KDM4C: variants seen among roughly 807,000 people sequenced by gnomAD.
KDM4C encodes lysine demethylase 4C.
KDM4C carries 81 observed loss-of-function variants against 129.3 expected under a neutral mutation model. The ratio of observed to expected loss-of-function variants is 0.63; its 90% CI spans 0.52 to 0.75. The LOEUF is 0.75. KDM4C is among the 30% of genes least tolerant of loss of function. The pLI is 0.00. For missense variants in KDM4C, 1,457 were observed against 1,304.0 expected, an observed-to-expected ratio of 1.12 and a Z score of -1.81; for synonymous variants, 573 against 456.1, an observed-to-expected ratio of 1.26 and a Z score of -3.26.
At chr9:6,805,193 C>T (rs1829742204) in intron 2 of KDM4C, among the ~76,000 whole-genome samples, 1 of 152,304 alleles carries the variant, frequency 6.6e-6, no homozygotes, top group South Asian at 2.1e-4. Context: ...GCCACTGCGC[C>T]CTGCCAATTT....
intron 1 of KDM4C, among the ~76,000 whole-genome samples, chr9:6,779,786 A>G (rs923193108): frequency 1.3e-5 from 2 of 152,204 alleles, no homozygotes; most frequent in African/African-American, 4.8e-5. Flanking sequence ...ACTGATGACA[A>G]TGGCAAGTGG....
chr9:7,021,165 T>C (rs1563996304), intron 15 of KDM4C, among the ~76,000 whole-genome samples: 1 of 151,798 alleles, frequency 6.6e-6, no homozygotes, highest in Non-Finnish European at 1.5e-5. Flanking sequence ...TATTTTTTTT[T>C]TTTTGAGATG....
chr9:6,737,100 T>G lies in KDM4C; in HGVS notation c.49+16103T>G, dbSNP rs143530106. ...GTTTTTCAGTCCCACTGGACTAGCC[T>G]GGGCAGCATAGCAAGATCTTGTCTC... On this transcript the variant is annotated intron_variant, in intron 1 of 17. Transcript: ENST00000536108. 9.3e-3 allele frequency among the ~76,000 whole-genome samples: 1,378 copies of G among 148,200 alleles called. 21 individuals carry two copies. The highest frequency in any genetic ancestry group is 0.033 in the African/African-American group (1,311 of 40,224).
intron 14 of KDM4C, among the ~76,000 whole-genome samples, chr9:7,015,308 G>T (rs1823460023): frequency 6.6e-6 from 1 of 152,004 alleles, no homozygotes; most frequent in African/African-American, 2.4e-5. Flanking sequence ...GTTCCTTGAT[G>T]CCATATAATT....
chr9:6,893,510 T>G (rs1846399168), intron 8 of KDM4C: 1 of 223,772 alleles, frequency 4.5e-6, no homozygotes, highest in Admixed American at 5.8e-5. Flanking sequence ...GGCCTCCAGT[T>G]GGTGTTTTGC....
At chr9:7,095,341 G>A (rs1451535122) in intron 17 of KDM4C, among the ~76,000 whole-genome samples, 2 of 152,172 alleles carry the variant, frequency 1.3e-5, no homozygotes, top group Non-Finnish European at 2.9e-5. Context: ...TACTGCCCAA[G>A]AACAAATCTT....
chr9:6,923,591 C>A (rs529194320), intron 8 of KDM4C, among the ~76,000 whole-genome samples: 1 of 152,174 alleles, frequency 6.6e-6, no homozygotes, highest in Non-Finnish European at 1.5e-5. Flanking sequence ...GAGGGATCAT[C>A]AAGAGACAGA....
rs117257500 is a variant in KDM4C, at chr9:7,030,638, T to C, written c.2259+14709T>C. ...AGTTGCTATAAAAAATAAAGTCTAA[T>C]AAAAAAGTTATTTTAAGGCCTTACT... On this transcript the variant is annotated intron_variant, in intron 15 of 21. Transcript: ENST00000381309. 9.5e-3 allele frequency among the ~76,000 whole-genome samples: 1,451 copies of C among 152,328 alleles called. 17 individuals are homozygous for C. Among genetic ancestry groups the C allele is most frequent in the Admixed American group, 0.018 (278 of 15,298 alleles).
chr9:6,883,825 T>C (rs1844842162), intron 6 of KDM4C, among the ~76,000 whole-genome samples: 1 of 152,158 alleles, frequency 6.6e-6, no homozygotes, highest in Admixed American at 6.5e-5. Flanking sequence ...TGTTCTTGGC[T>C]TGGGGAGTCC....
At chr9:6,882,619 C>T (rs950868480) in intron 6 of KDM4C, among the ~76,000 whole-genome samples, 1 of 152,114 alleles carries the variant, frequency 6.6e-6, no homozygotes, top group African/African-American at 2.4e-5. Flanking sequence ...TTTCAAAGGA[C>T]AGTGTAGTGG....
chr9:6,949,246 C>T (rs1292928509), intron 8 of KDM4C, among the ~76,000 whole-genome samples: 1 of 150,856 alleles, frequency 6.6e-6, no homozygotes, highest in African/African-American at 2.4e-5. Context: ...ACCTCCCAGA[C>T]GGGGTTGCGG....
chr9:7,093,860 C>A (rs964515598), intron 17 of KDM4C, among the ~76,000 whole-genome samples: 1 of 152,180 alleles, frequency 6.6e-6, no homozygotes, highest in African/African-American at 2.4e-5. Context: ...TGAGGAATTT[C>A]ATTCCCCGTG....
At chr9:6,807,854 C>T (rs1481131818) in intron 3 of KDM4C, among the ~76,000 whole-genome samples, 2 of 146,908 alleles carry the variant, frequency 1.4e-5, no homozygotes, top group Non-Finnish European at 3.0e-5. Flanking sequence ...GGGGGTCAGC[C>T]CCCCAACCTG....
chr9:7,023,232 G>A (rs762534385), intron 15 of KDM4C, among the ~76,000 whole-genome samples: 3 of 152,100 alleles, frequency 2.0e-5, no homozygotes, highest in Non-Finnish European at 4.4e-5. Flanking sequence ...TTATTTAAAT[G>A]TTTGGTAGAA....
intron 17 of KDM4C, among the ~76,000 whole-genome samples, chr9:7,054,195 C>G (rs1158395234): frequency 6.6e-6 from 1 of 152,216 alleles, no homozygotes; most frequent in African/African-American, 2.4e-5. Flanking sequence ...ACGTTTCCTT[C>G]TCCCCGTAGC....
At chr9:7,114,834 A>G (rs903723452) in intron 18 of KDM4C, among the ~76,000 whole-genome samples, 2 of 152,132 alleles carry the variant, frequency 1.3e-5, no homozygotes, top group African/African-American at 4.8e-5. Flanking sequence ...GGCTAGGTGC[A>G]GTGGCTCCCA....
At chr9:7,082,635 C>G (rs1046171947) in intron 17 of KDM4C, among the ~76,000 whole-genome samples, 1 of 152,148 alleles carries the variant, frequency 6.6e-6, no homozygotes, top group Non-Finnish European at 1.5e-5. Context: ...CCTCAGCTGG[C>G]ATTTGTCTGC....
At chr9:6,782,827 A>G (rs1824659241) in intron 1 of KDM4C, among the ~76,000 whole-genome samples, 1 of 152,180 alleles carries the variant, frequency 6.6e-6, no homozygotes, top group African/African-American at 2.4e-5. Flanking sequence ...AAGAGAATTG[A>G]CGGTGGTGAA....
intron 1 of KDM4C, among the ~76,000 whole-genome samples, chr9:6,763,451 T>C (rs1563950296): frequency 6.6e-6 from 1 of 150,530 alleles, no homozygotes; most frequent in Non-Finnish European, 1.5e-5. Context: ...GTCTCCTTCA[T>C]AGTCTTAAGC....
Sources: gnomAD v4.1 joint callset for allele counts (sites outside exome capture counted in the v4.1 genomes callset) on GRCh38, gnomAD v4.1.1 for gene constraint, MANE v1.5 for transcripts, NCBI Gene and HGNC (gene_info 2026-07-23, HGNC 2026-07-21) for gene names.